The following GRID2 variants were observed in gnomAD, a reference collection of about 807,000 sequenced individuals.
The protein encoded by GRID2 is glutamate ionotropic receptor delta type subunit 2.
In GRID2, 33 loss-of-function variants were observed where a neutral mutation model predicts 114.8. That is an observed-to-expected ratio of 0.29 (90% CI 0.22 to 0.38). The LOEUF (loss-of-function observed/expected upper bound fraction) is 0.38, where lower values mean the gene tolerates loss of function less well. GRID2 is among the 10% of genes least tolerant of loss of function. The probability of loss-of-function intolerance (pLI) is 1.00; values close to 1 mark genes in which losing one functional copy is unlikely to be tolerated. For synonymous variants in GRID2, 505 were observed against 449.9 expected, an observed-to-expected ratio of 1.12 and a Z score of -1.55; for missense variants, 1,184 against 1,257.7, an observed-to-expected ratio of 0.94 and a Z score of 0.89.
chr4:93,708,189 C>A (rs968068194), intron 14 of GRID2, among the ~76,000 whole-genome samples: 1 of 151,978 alleles, frequency 6.6e-6, no homozygotes, highest in Non-Finnish European at 1.5e-5. Context: ...CTTTGAATAT[C>A]TCTTATGTCC....
chr4:92,666,650 G>GTTTTTTGTTTTTTTTTTTTTTTTTTT (rs1286942855), intron 2 of GRID2, among the ~76,000 whole-genome samples: 1 of 68,594 alleles, frequency 1.5e-5, no homozygotes, highest in African/African-American at 5.2e-5. Context: ...CTTAAGGGTT[G>GTTTTTTGTTTTTTTTTTTTTTTTTTT]TTTTTTTTTT....
intron 2 of GRID2, among the ~76,000 whole-genome samples, chr4:92,663,501 T>G (rs909148814): frequency 1.3e-5 from 2 of 151,280 alleles, no homozygotes; most frequent in East Asian, 3.9e-4. Context: ...TCACAATTAC[T>G]AAAATTAGTT....
chr4:93,329,363 T>A (rs1758192869), intron 8 of GRID2, among the ~76,000 whole-genome samples: 1 of 152,178 alleles, frequency 6.6e-6, no homozygotes. Flanking sequence ...AATGCTCCCT[T>A]CATTGCATGC....
chr4:93,207,556 C>T, intron 5 of GRID2, 99 bp downstream of exon 5: 1 of 733,842 alleles, frequency 1.4e-6, no homozygotes, highest in Non-Finnish European at 2.4e-6. Context: ...GGAAACAAAA[C>T]TTGAAGTAAA....
At chr4:93,187,925 A>C (rs751938643) in intron 4 of GRID2, among the ~76,000 whole-genome samples, 4 of 152,250 alleles carry the variant, frequency 2.6e-5, no homozygotes, top group Non-Finnish European at 5.9e-5. Flanking sequence ...TGGGTCAAGC[A>C]TCGGGCCCCC....
intron 9 of GRID2, among the ~76,000 whole-genome samples, chr4:93,413,548 T>G (rs2870705): frequency 0.068 from 10,322 of 152,180 alleles, 845 homozygotes; most frequent in African/African-American, 0.19. Flanking sequence ...ACATGCTTGC[T>G]GATAAATGTT....
At chr4:92,585,647 T>A (rs1728397770) in intron 1 of GRID2, among the ~76,000 whole-genome samples, 1 of 151,988 alleles carries the variant, frequency 6.6e-6, no homozygotes, top group South Asian at 2.1e-4. Flanking sequence ...GGAAAATTTC[T>A]TCAAGATATA....
chr4:93,441,943 C>G (rs1259622403), intron 10 of GRID2, among the ~76,000 whole-genome samples: 2 of 152,008 alleles, frequency 1.3e-5, no homozygotes, highest in African/African-American at 4.8e-5. Context: ...GAGGCTCCCT[C>G]TAGCAGTGTG....
At chr4:93,056,206 C>T (rs1407819211) in intron 2 of GRID2, among the ~76,000 whole-genome samples, 2 of 151,864 alleles carry the variant, frequency 1.3e-5, no homozygotes, top group African/African-American at 4.8e-5. Flanking sequence ...ATAAAAGAAA[C>T]ATATGTTCGA....
intron 2 of GRID2, among the ~76,000 whole-genome samples, chr4:92,984,567 T>G (rs772535040): frequency 2.0e-5 from 3 of 152,190 alleles, no homozygotes; most frequent in Admixed American, 2.0e-4. Flanking sequence ...TCTCACTTTG[T>G]TTTCACCATA....
At chr4:92,921,262 T>A (rs1578478041) in intron 2 of GRID2, among the ~76,000 whole-genome samples, 1 of 152,078 alleles carries the variant, frequency 6.6e-6, no homozygotes, top group Admixed American at 6.6e-5. Flanking sequence ...AAGTTTTTTT[T>A]AAGGTTTTTA....
rs28489788 is a variant in GRID2 at position 92,692,839 on chromosome 4, A to G, written c.244+102553A>G. Among the ~76,000 whole-genome samples the G allele has an allele frequency of 1.4e-3, 218 of 152,202 alleles. 1 individual carries two copies. The highest frequency in any genetic ancestry group is 5.1e-3 in the African/African-American group (212 of 41,532). On this transcript the variant is annotated intron_variant, in intron 2 of 15. Coordinates refer to ENST00000282020, the MANE Select transcript of GRID2 (RefSeq NM_001510.4). ...GGAGTTCCAGACCAGCCTGGCCAAC[A>G]TGGCGAAACCCCATCTCTACTAAAA...
chr4:93,181,994 T>C (rs997081867), intron 4 of GRID2, among the ~76,000 whole-genome samples: 10 of 152,160 alleles, frequency 6.6e-5, no homozygotes, highest in Non-Finnish European at 1.3e-4. Flanking sequence ...AAAAAAAGGA[T>C]TTAATAAATT....
At chr4:92,443,118 A>G (rs1042597756) in intron 1 of GRID2, among the ~76,000 whole-genome samples, 1 of 152,104 alleles carries the variant, frequency 6.6e-6, no homozygotes, top group Non-Finnish European at 1.5e-5. Context: ...CAGGAGGGAA[A>G]GAAGGAAGAT....
intron 11 of GRID2, among the ~76,000 whole-genome samples, chr4:93,458,978 G>A (rs757707097): frequency 5.9e-5 from 9 of 151,798 alleles, no homozygotes; most frequent in Non-Finnish European, 1.3e-4. Context: ...TCAGGAGTTC[G>A]AGACCAGCCC....
At chr4:93,748,541 C>A (rs555632594) in intron 14 of GRID2, among the ~76,000 whole-genome samples, 1 of 152,240 alleles carries the variant, frequency 6.6e-6, no homozygotes, top group South Asian at 2.1e-4. Flanking sequence ...GAACAGGCGT[C>A]TAGAGCTATT....
At chr4:92,461,642 T>C (rs1721500545) in intron 1 of GRID2, among the ~76,000 whole-genome samples, 1 of 152,042 alleles carries the variant, frequency 6.6e-6, no homozygotes, top group African/African-American at 2.4e-5. Context: ...AAACTTACCC[T>C]AATTATACTT....
intron 2 of GRID2, among the ~76,000 whole-genome samples, chr4:93,078,288 G>T (rs147898937): frequency 6.6e-5 from 10 of 151,988 alleles, no homozygotes; most frequent in African/African-American, 9.7e-5. Context: ...TGTAGCAAAG[G>T]CTTCCCCAAT....
chr4:93,010,165 A>T (rs1039939), intron 2 of GRID2, among the ~76,000 whole-genome samples: 7,802 of 151,886 alleles, frequency 0.051, 205 homozygotes, highest in Non-Finnish European at 0.06. Context: ...ACTTAAAAAA[A>T]TTTTTTTTAT....
Sources: gnomAD v4.1 joint callset for allele counts (sites outside exome capture counted in the v4.1 genomes callset) on GRCh38, gnomAD v4.1.1 for gene constraint, MANE v1.5 for transcripts, NCBI Gene and HGNC (gene_info 2026-07-23, HGNC 2026-07-21) for gene names.